Variants in CIBAR1 observed in about 807,000 individuals in gnomAD.
CIBAR1 encodes the protein CBY1-interacting BAR domain-containing protein 1.
Under a neutral mutation model 44.0 loss-of-function variants are expected in CIBAR1, and 25 were observed. The ratio of observed to expected loss-of-function variants is 0.57; its 90% confidence interval spans 0.41 to 0.79. CIBAR1 has a LOEUF of 0.79. Among genes scored for constraint, CIBAR1 ranks in the 30% least tolerant of loss-of-function variants. The pLI is 0.00. For synonymous variants in CIBAR1, 115 were observed against 119.0 expected (o/e 0.97, Z 0.22); for missense variants, 278 against 344.8 (o/e 0.81, Z 1.53).
intron 6 of CIBAR1, among the ~76,000 whole-genome samples, chr8:93,710,533 T>C (rs1046839043): frequency 1.3e-5 from 2 of 151,602 alleles, no homozygotes; most frequent in Non-Finnish European, 2.9e-5. Flanking sequence ...GAGGATGAGG[T>C]GGTGTTATGA....
At chr8:93,707,289 G>A (rs562261293) in intron 4 of CIBAR1, 6 of 385,236 alleles carry the variant, frequency 1.6e-5, no homozygotes, top group Admixed American at 6.1e-5. Flanking sequence ...TAGGTGAGTT[G>A]CTATGCTCAA....
At chr8:93,702,162 C>T in intron 2 of CIBAR1, 1 of 378,196 alleles carries the variant, frequency 2.6e-6, no homozygotes. Context: ...TTATACTTTT[C>T]AGAACCTAAA....
chr8:93,707,679 A>G (rs1438753433), intron 4 of CIBAR1, among the ~76,000 whole-genome samples: 1 of 152,184 alleles, frequency 6.6e-6, no homozygotes, highest in African/African-American at 2.4e-5. Flanking sequence ...TGTGGTTTAA[A>G]GAATCTCAAA....
intron 1 of CIBAR1, chr8:93,700,893 C>T (rs1429698233): frequency 9.9e-6 from 13 of 1,312,234 alleles, no homozygotes; most frequent in Non-Finnish European, 1.3e-5. Context: ...ACCCACGCCA[C>T]CGGGTCTCGG....
chr8:93,702,044 A>G (rs1482524281), intron 2 of CIBAR1: 3 of 229,590 alleles, frequency 1.3e-5, no homozygotes, highest in African/African-American at 2.3e-5. Context: ...CTAAAAGCCC[A>G]TATTTTTCCT....
At chr8:93,712,861 T>C (rs1414080995) in intron 6 of CIBAR1, among the ~76,000 whole-genome samples, 1 of 150,014 alleles carries the variant, frequency 6.7e-6, no homozygotes, top group African/African-American at 2.5e-5. Context: ...TTGCCCAGGC[T>C]GGTTTTGAAC....
Position 93,701,456 on chromosome 8 carries a change from G to A in CIBAR1, c.259G>A (p.Glu87Lys). 6.2e-7 allele frequency: 1 copy of A among 1,612,232 alleles called. No individual in the cohort carries two copies. The highest frequency in any genetic ancestry group is 8.5e-7 in the Non-Finnish European group (1 of 1,179,004). ...FAKLQDYRQA[E>K]VERLEAKVVE... Reference sequence around the variant, plus strand: ...CAAACTTCAGGATTATCGACAAGCAGAGGTATGGAGTGAGATCACAGTGTC... The same window carrying A: ...CAAACTTCAGGATTATCGACAAGCAAAGGTATGGAGTGAGATCACAGTGTC... Residue 87 changes from glutamate (E) to lysine (K), a missense_variant and splice_region_variant, in exon 2 of 9, where the codon GAG becomes AAG. Glu to Lys is a moderately conservative substitution (Grantham distance 56). This residue lies in a region of CIBAR1 where 183 missense variants were observed against 218.6 expected (regional missense o/e 0.84). Coordinates refer to ENST00000518322, the MANE Select transcript of CIBAR1 (RefSeq NM_145269.5).
rs1811665504 is a variant in CIBAR1 at position 93,728,757 on chromosome 8, C to CT, written c.*463dup. 1 of 151,954 alleles carries CT rather than the reference C, an allele frequency of 6.6e-6. No individual in the cohort carries two copies. The highest frequency in any genetic ancestry group is 2.4e-5 in the African/African-American group (1 of 41,360). 9.4% of individuals were successfully genotyped at this position (151,954 alleles called of 1,614,324 possible). A position where few individuals can be genotyped will look rare whatever the true frequency, so the allele number is the denominator to read the frequency against. On this transcript the variant is annotated 3_prime_UTR_variant, in exon 9 of 9. Coordinates refer to ENST00000518322, the MANE Select transcript of CIBAR1 (RefSeq NM_145269.5). ...AAACTTTTTTTAACTTTCCCTGAAA[C>CT]TTTATCATTTGATAAGTAAATTTAC...
At chr8:93,709,633 T>C in intron 5 of CIBAR1, 138 bp from the exon 6 acceptor site, 1 of 695,680 alleles carries the variant, frequency 1.4e-6, no homozygotes, top group Non-Finnish European at 2.6e-6. Flanking sequence ...TTATTATATA[T>C]GGTAAAATAT....
intron 2 of CIBAR1, chr8:93,701,895 G>A (rs1810374097): frequency 4.9e-6 from 1 of 202,414 alleles, no homozygotes; most frequent in South Asian, 8.7e-5. Flanking sequence ...CTGCATCCAT[G>A]GTTTGGAAAA....
intron 6 of CIBAR1, chr8:93,715,408 A>T (rs1811002578): frequency 6.6e-6 from 1 of 152,206 alleles, no homozygotes; most frequent in African/African-American, 2.4e-5. Flanking sequence ...TTTATTATAA[A>T]TATAAATCAT....
chr8:93,715,723 A>G (rs1029362754), intron 6 of CIBAR1: 3 of 152,242 alleles, frequency 2.0e-5, no homozygotes, highest in African/African-American at 7.2e-5. Flanking sequence ...ATTTATGCCA[A>G]GAAACAGATC....
intron 2 of CIBAR1, among the ~76,000 whole-genome samples, chr8:93,702,775 TTAAGTG>T (rs1810415317): frequency 6.6e-6 from 1 of 152,114 alleles, no homozygotes; most frequent in Non-Finnish European, 1.5e-5. Flanking sequence ...CAATATGAAA[TTAAGTG>T]TATTTGTCAA....
At chr8:93,723,145 C>G (rs1162685842) in intron 7 of CIBAR1, among the ~76,000 whole-genome samples, 1 of 152,140 alleles carries the variant, frequency 6.6e-6, no homozygotes, top group Non-Finnish European at 1.5e-5. Context: ...TACAGGCACC[C>G]GCCACCTCGC....
At chr8:93,710,057 G>A (rs1810760895) in intron 6 of CIBAR1, among the ~76,000 whole-genome samples, 182 bp downstream of exon 6, 1 of 152,128 alleles carries the variant, frequency 6.6e-6, no homozygotes, top group Admixed American at 6.5e-5. Context: ...GGCCAAGGCA[G>A]GTGGATCAGT....
chr8:93,710,830 C>CT (rs771291284), intron 6 of CIBAR1, among the ~76,000 whole-genome samples: 7 of 112,128 alleles, frequency 6.2e-5, no homozygotes, highest in Non-Finnish European at 1.1e-4. Context: ...GAGCGAGACT[C>CT]TGACTCAAAA....
intron 6 of CIBAR1, among the ~76,000 whole-genome samples, chr8:93,714,177 C>T (rs1019084543): frequency 5.9e-5 from 9 of 152,098 alleles, no homozygotes; most frequent in African/African-American, 2.2e-4. Context: ...AAATTGTGCA[C>T]ATCTTTTGTT....
At position 93,704,895 on chromosome 8, in the gene CIBAR1, A is replaced by G; in HGVS notation, c.331-14A>G. On this transcript the variant is annotated splice_polypyrimidine_tract_variant and intron_variant, in intron 3 of 8. Coordinates refer to ENST00000518322, the MANE Select transcript of CIBAR1 (RefSeq NM_145269.5). ...GTCAGACATTTTTACTAACAAAAAA[A>G]TGCCAATTTGCAGGATGACCTCAAA... The G allele has an allele frequency of 6.5e-7, 1 of 1,536,708 alleles. No individual in the cohort carries two copies. The highest frequency in any genetic ancestry group is 1.2e-5 in the South Asian group (1 of 80,708).
rs1190015553 is a variant in CIBAR1 at position 93,729,653 on chromosome 8, T to G, written c.*1356T>G. Reference sequence around the variant, plus strand: ...TTCATTAATGTAAAATTTTCATTATTTAGACCAGCCTAGGTTGGCAAACTT... The same window carrying G: ...TTCATTAATGTAAAATTTTCATTATGTAGACCAGCCTAGGTTGGCAAACTT... On this transcript the variant is annotated 3_prime_UTR_variant, in exon 9 of 9. Coordinates refer to ENST00000518322, the MANE Select transcript of CIBAR1 (RefSeq NM_145269.5). 1 of 152,358 alleles carries G rather than the reference T, an allele frequency of 6.6e-6. No homozygotes were observed. The highest frequency in any genetic ancestry group is 3.4e-3 in the Middle Eastern group (1 of 294). The allele number at this position is 152,358 out of a possible 1,614,324, so 9.4% of individuals were successfully genotyped here.
Sources: allele counts gnomAD v4.1 joint callset (sites outside exome capture counted in the v4.1 genomes callset), GRCh38; gene constraint gnomAD v4.1.1; regional missense constraint gnomAD v4.1.1; transcripts MANE v1.5; gene names NCBI Gene and HGNC (gene_info 2026-07-23, HGNC 2026-07-21).